HDAC9: variants seen among roughly 807,000 people sequenced by gnomAD.
HDAC9 encodes the protein MEF-2 interacting transcription repressor (MITR) protein.
Under a neutral mutation model 139.4 loss-of-function variants are expected in HDAC9, and 41 were observed. That is an observed-to-expected ratio of 0.29 (90% CI 0.23 to 0.38). The LOEUF (loss-of-function observed/expected upper bound fraction) is 0.38, where lower values mean the gene tolerates loss of function less well. HDAC9 is among the 10% of genes least tolerant of loss of function. The pLI is 1.00. For missense variants in HDAC9, 1,147 were observed against 1,297.0 expected (o/e 0.88, Z 1.78); for synonymous variants, 517 against 476.2 (o/e 1.09, Z -1.12).
chr7:18,904,732 C>T (rs936690069), intron 22 of HDAC9, among the ~76,000 whole-genome samples: 7 of 151,722 alleles, frequency 4.6e-5, no homozygotes, highest in Non-Finnish European at 7.4e-5. Flanking sequence ...ACCGCCACCA[C>T]GCCCGGCTAA....
chr7:18,687,012 G>A (rs916522037), intron 12 of HDAC9, among the ~76,000 whole-genome samples: 3 of 151,688 alleles, frequency 2.0e-5, no homozygotes. Flanking sequence ...AAGATGTTAG[G>A]TACTACATGA....
chr7:18,874,659 T>C, intron 22 of HDAC9, 63 bp downstream of exon 22: 2 of 918,528 alleles, frequency 2.2e-6, no homozygotes, highest in Non-Finnish European at 3.5e-6. Context: ...TAGGTCTTTA[T>C]GATAGACACC....
intron 2 of HDAC9, among the ~76,000 whole-genome samples, chr7:18,251,424 G>A (rs1313211964): frequency 6.6e-6 from 1 of 152,070 alleles, no homozygotes; most frequent in Non-Finnish European, 1.5e-5. Flanking sequence ...TTAATACCTA[G>A]GCAATGAGAT....
chr7:18,760,804 T>C (rs1789316897), intron 14 of HDAC9, among the ~76,000 whole-genome samples: 1 of 152,236 alleles, frequency 6.6e-6, no homozygotes, highest in African/African-American at 2.4e-5. Context: ...TCCGGCCCAG[T>C]AAATGCTGAG....
intron 25 of HDAC9, among the ~76,000 whole-genome samples, chr7:18,992,201 A>G (rs148794968): frequency 1.5e-4 from 23 of 152,360 alleles, no homozygotes; most frequent in African/African-American, 5.3e-4. Context: ...TATACTAGGA[A>G]GTTCACTACA....
chr7:18,590,849 T>C (rs982806242), intron 4 of HDAC9, among the ~76,000 whole-genome samples: 2 of 146,496 alleles, frequency 1.4e-5, no homozygotes, highest in Non-Finnish European at 3.1e-5. Flanking sequence ...AAGTAATAAT[T>C]GCTCTCTAAG....
intron 2 of HDAC9, among the ~76,000 whole-genome samples, chr7:18,500,325 T>C (rs548976803): frequency 6.6e-6 from 1 of 152,270 alleles, no homozygotes; most frequent in South Asian, 2.1e-4. Context: ...TGATAAATAA[T>C]GAAGTGAGCC....
chr7:18,663,338 G>T (rs904669020), intron 11 of HDAC9, among the ~76,000 whole-genome samples: 1 of 152,014 alleles, frequency 6.6e-6, no homozygotes, highest in Non-Finnish European at 1.5e-5. Flanking sequence ...GAGAAGAATC[G>T]CAACAGAAGA....
chr7:18,666,542 G>A, intron 12 of HDAC9, 66 bp downstream of exon 12: 11 of 1,559,666 alleles, frequency 7.1e-6, no homozygotes, highest in Non-Finnish European at 9.6e-6. Context: ...GAAATGCATT[G>A]CAGGTTTGGT....
intron 12 of HDAC9, among the ~76,000 whole-genome samples, chr7:18,678,278 C>A (rs76985417): frequency 0.034 from 5,092 of 151,832 alleles, 290 homozygotes; most frequent in African/African-American, 0.12. Context: ...TAGTTTTTAG[C>A]AAATTGATTA....
intron 6 of HDAC9, among the ~76,000 whole-genome samples, chr7:18,626,530 A>G (rs986944883): frequency 7.2e-5 from 11 of 152,206 alleles, no homozygotes; most frequent in Non-Finnish European, 1.0e-4. Flanking sequence ...CCAGGCATCT[A>G]TTTGACTCCA....
intron 13 of HDAC9, among the ~76,000 whole-genome samples, chr7:18,733,395 CATATT>C (rs1303987128): frequency 6.6e-6 from 1 of 150,438 alleles, no homozygotes; most frequent in Non-Finnish European, 1.5e-5. Flanking sequence ...TGTTATTACT[CATATT>C]AGAATAGAGA....
intron 11 of HDAC9, among the ~76,000 whole-genome samples, chr7:18,658,899 C>CAAAAAAAAAAAAAAACA (rs11306117): frequency 2.5e-5 from 3 of 118,144 alleles, no homozygotes; most frequent in Non-Finnish European, 3.9e-5. Context: ...AAAAAAAAAG[C>CAAAAAAAAAAAAAAACA]AAAAAAAAAA....
chr7:18,577,570 C>T (rs1687862418), intron 2 of HDAC9, among the ~76,000 whole-genome samples: 1 of 152,222 alleles, frequency 6.6e-6, no homozygotes, highest in Non-Finnish European at 1.5e-5. Flanking sequence ...TTGCCCTACC[C>T]TGCCCAACCC....
chr7:18,498,887 A>G lies in HDAC9; in HGVS notation c.22+2563A>G, dbSNP rs10236109. On this transcript the variant is annotated intron_variant, in intron 2 of 25. Coordinates refer to ENST00000686413, the MANE Select transcript of HDAC9 (RefSeq NM_178425.4). ...AATGAACCTAAGATCTTGGTTTTCAATGCCATGTTCTATCTTGCTGAACAA... is the reference window on the plus strand; with the variant it reads ...AATGAACCTAAGATCTTGGTTTTCAGTGCCATGTTCTATCTTGCTGAACAA... Among the ~76,000 whole-genome samples the G allele has an allele frequency of 6.2e-3, 948 of 152,200 alleles. 7 individuals carry two copies. The highest frequency in any genetic ancestry group is 0.022 in the African/African-American group (913 of 41,540).
rs1374942667 is a variant in HDAC9 at position 18,517,007 on chromosome 7, GCAA to G, written c.22+20694_22+20696del. Among the ~76,000 whole-genome samples the G allele has an allele frequency of 3.3e-5, 5 of 151,868 alleles. No homozygotes were observed. In the East Asian group the frequency reaches 9.7e-4, roughly 29 times the overall value. On this transcript the variant is annotated intron_variant, in intron 2 of 25. Coordinates refer to ENST00000686413, the MANE Select transcript of HDAC9 (RefSeq NM_178425.4). Reference sequence around the variant, plus strand: ...ATCTGATTTTAGGCTTCTTTTTCTGGCAACAACAACAACCACCACCATCACCCC... The same window carrying G: ...ATCTGATTTTAGGCTTCTTTTTCTGGCAACAACAACCACCACCATCACCCC...
intron 25 of HDAC9, among the ~76,000 whole-genome samples, chr7:18,978,280 A>G (rs1784678697): frequency 6.6e-6 from 1 of 152,146 alleles, no homozygotes; most frequent in African/African-American, 2.4e-5. Flanking sequence ...ATTTTGGGTA[A>G]AGCAGCTCTT....
chr7:18,252,907 C>T (rs910753192), intron 2 of HDAC9, among the ~76,000 whole-genome samples: 4 of 152,062 alleles, frequency 2.6e-5, no homozygotes, highest in Admixed American at 6.6e-5. Flanking sequence ...TCTTCGTGAC[C>T]GTCTCCCTCT....
chr7:18,399,326 CCA>C (rs1249772763), intron 1 of HDAC9, among the ~76,000 whole-genome samples: 1 of 151,922 alleles, frequency 6.6e-6, no homozygotes, highest in Non-Finnish European at 1.5e-5. Flanking sequence ...AGGGTTATCC[CCA>C]GTGTCACAAA....
Sources: allele counts gnomAD v4.1 joint callset (sites outside exome capture counted in the v4.1 genomes callset), GRCh38; gene constraint gnomAD v4.1.1; transcripts MANE v1.5; gene names NCBI Gene and HGNC (gene_info 2026-07-23, HGNC 2026-07-21).